The following TTC28 variants were observed in gnomAD, a reference collection of about 807,000 sequenced individuals.
TTC28 encodes tetratricopeptide repeat protein 28.
Under a neutral mutation model 198.0 loss-of-function variants are expected in TTC28, and 61 were observed. The observed-to-expected ratio is 0.31, with a 90% CI of 0.25 to 0.38. The LOEUF is 0.38. Among genes scored for constraint, TTC28 ranks in the 10% least tolerant of loss-of-function variants. The probability of loss-of-function intolerance (pLI) is 1.00; values close to 1 mark genes in which losing one functional copy is unlikely to be tolerated. For synonymous variants in TTC28, 1,171 were observed against 1,297.8 expected, an observed-to-expected ratio of 0.90 and a Z score of 2.10; for missense variants, 2,678 against 3,164.0, an observed-to-expected ratio of 0.85 and a Z score of 3.69.
intron 2 of TTC28, among the ~76,000 whole-genome samples, chr22:28,547,321 T>A (rs893400221): frequency 2.0e-5 from 3 of 152,074 alleles, no homozygotes; most frequent in Non-Finnish European, 2.9e-5. Context: ...ACTGCCAAAG[T>A]TTTTCCCTGC....
chr22:28,677,046 T>C (rs147027991), intron 1 of TTC28, among the ~76,000 whole-genome samples: 2,390 of 150,478 alleles, frequency 0.016, 84 homozygotes, highest in African/African-American at 0.056. Flanking sequence ...TCCCAGCTAC[T>C]TGGGAGGCTA....
chr22:28,268,541 T>C (rs776145519), intron 5 of TTC28, among the ~76,000 whole-genome samples: 11 of 152,208 alleles, frequency 7.2e-5, no homozygotes, highest in South Asian at 4.1e-4. Flanking sequence ...GTAAGAACCA[T>C]TGAACCAGAG....
intron 2 of TTC28, among the ~76,000 whole-genome samples, chr22:28,597,963 A>C (rs914829593): frequency 6.6e-6 from 1 of 151,848 alleles, no homozygotes; most frequent in African/African-American, 2.4e-5. Flanking sequence ...CCTGAGCTCA[A>C]GCAATCCTCC....
chr22:28,267,243 C>T (rs1384067129), intron 5 of TTC28, among the ~76,000 whole-genome samples: 4 of 152,190 alleles, frequency 2.6e-5, no homozygotes, highest in African/African-American at 9.7e-5. Context: ...AGTTACCTAA[C>T]TACACAGAAA....
chr22:28,675,642 G>A (rs887429994), intron 1 of TTC28, among the ~76,000 whole-genome samples: 1 of 151,446 alleles, frequency 6.6e-6, no homozygotes, highest in African/African-American at 2.4e-5. Context: ...GGAGGCTCAG[G>A]TGGGAGGATC....
chr22:27,981,137 G>C lies in TTC28; in HGVS notation c.*1084C>G, dbSNP rs1021126074. The C allele has an allele frequency of 2.0e-5, 3 of 151,426 alleles. No homozygotes were observed. The highest frequency in any genetic ancestry group is 4.4e-5 in the Non-Finnish European group (3 of 67,936). The allele number at this position is 151,426 out of a possible 1,614,324, so 9.4% of individuals were successfully genotyped here. On this transcript the variant is annotated 3_prime_UTR_variant, in exon 23 of 23. Coordinates refer to ENST00000397906, the MANE Select transcript of TTC28 (RefSeq NM_001145418.2). ...TAGATATAAGACAACTGAGGGACCT[G>C]GAGTTGGGAAAAGGGAATAAAATTC... is the stretch of plus-strand genomic sequence containing the variant.
At chr22:28,509,391 T>C (rs1209033656) in intron 2 of TTC28, among the ~76,000 whole-genome samples, 1 of 152,078 alleles carries the variant, frequency 6.6e-6, no homozygotes, top group Non-Finnish European at 1.5e-5. Flanking sequence ...CTCATAACCA[T>C]ACAACTACAC....
intron 2 of TTC28, among the ~76,000 whole-genome samples, chr22:28,472,596 C>T: frequency 8.2e-6 from 1 of 121,440 alleles, no homozygotes; most frequent in African/African-American, 3.2e-5. Context: ...GTGTGTGTAT[C>T]CTCAAATATA....
At chr22:28,576,159 T>C (rs564979212) in intron 2 of TTC28, among the ~76,000 whole-genome samples, 1 of 152,222 alleles carries the variant, frequency 6.6e-6, no homozygotes, top group African/African-American at 2.4e-5. Context: ...TGTGTTATAT[T>C]CCTTCTATGC....
intron 5 of TTC28, among the ~76,000 whole-genome samples, chr22:28,169,408 C>A (rs1393656582): frequency 2.0e-5 from 3 of 152,106 alleles, no homozygotes; most frequent in Non-Finnish European, 4.4e-5. Context: ...ATAGCAAAGA[C>A]TTGGAACCAA....
intron 2 of TTC28, among the ~76,000 whole-genome samples, chr22:28,321,059 AT>A (rs1180263118): frequency 1.3e-5 from 2 of 152,214 alleles, no homozygotes; most frequent in Non-Finnish European, 2.9e-5. Flanking sequence ...TCACTTGAAA[AT>A]ATCAGAAGAT....
intron 1 of TTC28, among the ~76,000 whole-genome samples, chr22:28,652,991 C>T (rs2051587046): frequency 6.6e-6 from 1 of 152,176 alleles, no homozygotes. Flanking sequence ...AATCTGCCTC[C>T]CTAAAACTCC....
chr22:28,084,447 G>A (rs544387477), intron 12 of TTC28, among the ~76,000 whole-genome samples: 1 of 152,250 alleles, frequency 6.6e-6, no homozygotes, highest in Admixed American at 6.5e-5. Flanking sequence ...TGCAGCTGAG[G>A]GTCCTGTCTG....
chr22:28,534,924 AG>A (rs1023823946), intron 2 of TTC28, among the ~76,000 whole-genome samples: 1 of 141,764 alleles, frequency 7.1e-6, no homozygotes, highest in African/African-American at 2.6e-5. Context: ...GGGTTGGGGG[AG>A]GGGGCAGGGG....
chr22:28,056,709 C>T (rs563311805), intron 12 of TTC28, among the ~76,000 whole-genome samples: 1 of 152,230 alleles, frequency 6.6e-6, no homozygotes, highest in South Asian at 2.1e-4. Flanking sequence ...GAAGTTTTGA[C>T]AAAGGCATGC....
At chr22:28,591,040 C>CATATATATAT (rs377761638) in intron 2 of TTC28, among the ~76,000 whole-genome samples, 18 of 30,748 alleles carry the variant, frequency 5.9e-4, no homozygotes, top group African/African-American at 1.1e-3. Flanking sequence ...CACACACACA[C>CATATATATAT]ATATATATAT....
At chr22:28,033,676 C>T (rs1206886681) in intron 12 of TTC28, among the ~76,000 whole-genome samples, 2 of 152,164 alleles carry the variant, frequency 1.3e-5, no homozygotes, top group Non-Finnish European at 2.9e-5. Flanking sequence ...TGTTTTGATA[C>T]TGACTGATAC....
intron 2 of TTC28, among the ~76,000 whole-genome samples, chr22:28,628,940 GGAAAGGAAAGGAAAAGAAAA>G (rs957481865): frequency 6.7e-5 from 10 of 149,886 alleles, no homozygotes; most frequent in Non-Finnish European, 1.2e-4. Context: ...AAAAAGAAAA[GGAAAGGAAAGGAAAAGAAAA>G]GAAAGGAAAG....
chr22:28,088,441 G>C (rs1351158162), intron 12 of TTC28, among the ~76,000 whole-genome samples: 1 of 152,164 alleles, frequency 6.6e-6, no homozygotes. Context: ...AAATGGTGCT[G>C]AGAAAACTGG....
Sources: allele counts gnomAD v4.1 joint callset (sites outside exome capture counted in the v4.1 genomes callset), GRCh38; gene constraint gnomAD v4.1.1; transcripts MANE v1.5; gene names NCBI Gene and HGNC (gene_info 2026-07-23, HGNC 2026-07-21).